Variants in BRINP3 observed in about 807,000 individuals in gnomAD.
The protein encoded by BRINP3 is BMP/retinoic acid-inducible neural-specific protein 3.
BRINP3 carries 19 observed loss-of-function variants against 71.0 expected under a neutral mutation model. The observed-to-expected ratio is 0.27, with a 90% CI of 0.19 to 0.39. The LOEUF (loss-of-function observed/expected upper bound fraction) is 0.39. BRINP3 is among the 10% of genes least tolerant of loss of function. BRINP3 has a pLI of 1.00. For synonymous variants in BRINP3, 380 were observed against 337.7 expected (o/e 1.13, Z -1.37); for missense variants, 959 against 940.8 (o/e 1.02, Z -0.25).
intron 7 of BRINP3, among the ~76,000 whole-genome samples, chr1:190,141,325 G>A (rs950865393): frequency 3.3e-5 from 5 of 151,660 alleles, no homozygotes; most frequent in African/African-American, 7.3e-5. Flanking sequence ...ATAACTCTTC[G>A]TTATTTTCCC....
intron 2 of BRINP3, among the ~76,000 whole-genome samples, chr1:190,347,282 A>G (rs1299745288): frequency 1.3e-5 from 2 of 152,050 alleles, no homozygotes; most frequent in Non-Finnish European, 2.9e-5. Context: ...CTGGGACTTC[A>G]GGTGCGTGCC....
At chr1:190,378,776 A>G (rs972758364) in intron 2 of BRINP3, among the ~76,000 whole-genome samples, 7 of 152,138 alleles carry the variant, frequency 4.6e-5, no homozygotes, top group Non-Finnish European at 2.9e-5. Flanking sequence ...TGCAACAGTG[A>G]GTCAAGTTTG....
intron 3 of BRINP3, among the ~76,000 whole-genome samples, chr1:190,281,269 T>A (rs1283419444): frequency 6.6e-6 from 1 of 151,966 alleles, no homozygotes; most frequent in Non-Finnish European, 1.5e-5. Context: ...TCATGTATTT[T>A]AAATAAAAGT....
At position 190,477,721 on chromosome 1, in the gene BRINP3, G is replaced by A. The variant is rs1241021811; in HGVS notation, c.-324C>T. 6.6e-6 allele frequency: 1 copy of A among 152,090 alleles called. No homozygotes were observed. Among genetic ancestry groups the A allele is most frequent in the Non-Finnish European group, 1.5e-5 (1 of 68,036 alleles). 9.4% of individuals were successfully genotyped at this position (152,090 alleles called of 1,614,324 possible). A position where few individuals can be genotyped will look rare whatever the true frequency, so the allele number is the denominator to read the frequency against. ...ATTCGTGGTGATCCTTAAGCAAAGT[G>A]AAAATTTACAGGCTGCACATCCCCA... On this transcript the variant is annotated 5_prime_UTR_variant, in exon 1 of 8. Transcript: ENST00000367462.
chr1:190,338,143 CTT>C (rs1345365149), intron 2 of BRINP3, among the ~76,000 whole-genome samples: 1 of 152,028 alleles, frequency 6.6e-6, no homozygotes, highest in Non-Finnish European at 1.5e-5. Flanking sequence ...ATTTTAGTAA[CTT>C]AAGCAATTGA....
chr1:190,203,479 GTA>G (rs557564894), intron 6 of BRINP3, among the ~76,000 whole-genome samples: 59 of 147,062 alleles, frequency 4.0e-4, no homozygotes, highest in African/African-American at 1.4e-3. Context: ...GTGTGTGTGT[GTA>G]TATATATATA....
chr1:190,230,344 T>C (rs1657849232), intron 5 of BRINP3, among the ~76,000 whole-genome samples: 1 of 151,878 alleles, frequency 6.6e-6, no homozygotes, highest in Non-Finnish European at 1.5e-5. Context: ...GCAAGACAAA[T>C]AGCTAAGTAA....
At position 190,401,700 on chromosome 1, in the gene BRINP3, T is replaced by G. The variant is rs74823956; in HGVS notation, c.236+52955A>C. Among the ~76,000 whole-genome samples the G allele has an allele frequency of 8.6e-3, 1,312 of 152,242 alleles. 16 individuals carry two copies. The highest frequency in any genetic ancestry group is 0.029 in the African/African-American group (1,200 of 41,542). ...TGATGTGAGCCTATTTAAGTGAAGATTTCTGTTAATTACTGTAAATGAACC... is the reference window on the plus strand; with the variant it reads ...TGATGTGAGCCTATTTAAGTGAAGAGTTCTGTTAATTACTGTAAATGAACC... On this transcript the variant is annotated intron_variant, in intron 2 of 7. Coordinates refer to ENST00000367462, the MANE Select transcript of BRINP3 (RefSeq NM_199051.3).
intron 2 of BRINP3, among the ~76,000 whole-genome samples, chr1:190,363,834 G>A (rs1345161027): frequency 1.3e-5 from 2 of 152,102 alleles, no homozygotes; most frequent in Non-Finnish European, 2.9e-5. Context: ...GAAAATAAAC[G>A]TCTGAATGAC....
At chr1:190,135,305 G>A (rs1041248857) in intron 7 of BRINP3, among the ~76,000 whole-genome samples, 35 of 152,066 alleles carry the variant, frequency 2.3e-4, no homozygotes, top group African/African-American at 8.4e-4. Context: ...TTATGGAAAT[G>A]TTTCTGGGAA....
chr1:190,343,415 A>G (rs937586570), intron 2 of BRINP3, among the ~76,000 whole-genome samples: 3 of 151,766 alleles, frequency 2.0e-5, no homozygotes, highest in Non-Finnish European at 4.4e-5. Flanking sequence ...TGATTCTGCT[A>G]TGTACTATGG....
intron 7 of BRINP3, among the ~76,000 whole-genome samples, chr1:190,115,468 A>G (rs1653049664): frequency 6.6e-6 from 1 of 152,178 alleles, no homozygotes; most frequent in South Asian, 2.1e-4. Context: ...AGAAGAGCAA[A>G]TCAAAATTTC....
At chr1:190,125,064 C>G (rs1653976063) in intron 7 of BRINP3, among the ~76,000 whole-genome samples, 1 of 151,874 alleles carries the variant, frequency 6.6e-6, no homozygotes, top group Non-Finnish European at 1.5e-5. Context: ...GAAATTGAAA[C>G]CAGATTGACA....
rs1014412087 is a variant in BRINP3 at position 190,281,595 on chromosome 1, T to C, written c.392A>G (p.Tyr131Cys). ...QQITENLIKK[Y>C]GTHFLLSATL... ...AGCAGATAGCAAGAAATGTGTCCCA[T>C]ATTTCTTGATAAGGTTTTCTGTGAT... Residue 131 changes from tyrosine to cysteine, a missense_variant, in exon 3 of 8, where the codon TAT (tyrosine) becomes TGT (cysteine). Coordinates refer to ENST00000367462, the MANE Select transcript of BRINP3 (RefSeq NM_199051.3). 6.2e-7 allele frequency: 1 copy of C among 1,612,672 alleles called. No individual in the cohort carries two copies. Among genetic ancestry groups the C allele is most frequent in the Non-Finnish European group, 8.5e-7 (1 of 1,179,136 alleles).
intron 7 of BRINP3, among the ~76,000 whole-genome samples, chr1:190,128,957 C>A (rs1313984871): frequency 2.0e-5 from 3 of 151,622 alleles, no homozygotes; most frequent in Admixed American, 6.6e-5. Context: ...ATTTTAAAAT[C>A]TTACAGATAT....
intron 2 of BRINP3, among the ~76,000 whole-genome samples, chr1:190,325,535 T>G (rs545119112): frequency 6.6e-6 from 1 of 152,130 alleles, no homozygotes; most frequent in African/African-American, 2.4e-5. Context: ...TCATATCAAT[T>G]TTTATGAAAA....
At chr1:190,168,200 A>G (rs965607305) in intron 6 of BRINP3, among the ~76,000 whole-genome samples, 36 of 122,830 alleles carry the variant, frequency 2.9e-4, no homozygotes, top group African/African-American at 1.1e-3. Flanking sequence ...TTGAGGTCCT[A>G]TTTAATTTGT....
intron 2 of BRINP3, among the ~76,000 whole-genome samples, chr1:190,354,862 G>T (rs1668629592): frequency 6.8e-6 from 1 of 147,934 alleles, no homozygotes; most frequent in Admixed American, 6.8e-5. Flanking sequence ...TATTGATCCT[G>T]TATACCTCTA....
intron 2 of BRINP3, among the ~76,000 whole-genome samples, chr1:190,441,171 A>C (rs1055450814): frequency 5.9e-5 from 9 of 151,898 alleles, no homozygotes; most frequent in African/African-American, 9.7e-5. Context: ...ATTAATACAG[A>C]TCCACAGTGC....
Sources: allele counts gnomAD v4.1 joint callset (sites outside exome capture counted in the v4.1 genomes callset), GRCh38; gene constraint gnomAD v4.1.1; transcripts MANE v1.5; gene names NCBI Gene and HGNC (gene_info 2026-07-23, HGNC 2026-07-21).